Variants in COL14A1 observed in about 807,000 individuals in gnomAD.
COL14A1 encodes collagen alpha-1(XIV) chain.
A neutral mutation model predicts 230.3 loss-of-function variants in COL14A1; 136 were observed. That is an observed-to-expected ratio of 0.59 (90% CI 0.51 to 0.68). The LOEUF is 0.68. Ranked by LOEUF, COL14A1 falls within the 30% of genes least tolerant of loss-of-function variation. The pLI is 0.00. For synonymous variants in COL14A1, 792 were observed against 784.1 expected (o/e 1.01, Z -0.17); for missense variants, 1,976 against 2,215.8 (o/e 0.89, Z 2.17).
rs1812147442 is a variant in COL14A1 at position 120,371,312 on chromosome 8, A to G, written c.*81A>G. On this transcript the variant is annotated 3_prime_UTR_variant, in exon 48 of 48. Transcript: ENST00000297848. Reference sequence around the variant, plus strand: ...GAGAAAATGTTGTTATGTGGTTTGTATGCTACTTTTGGGGGGCAGGGCTCA... The same window carrying G: ...GAGAAAATGTTGTTATGTGGTTTGTGTGCTACTTTTGGGGGGCAGGGCTCA... The G allele has an allele frequency of 8.8e-7, 1 of 1,138,698 alleles. No individual in the cohort carries two copies. The highest frequency in any genetic ancestry group is 1.6e-5 in the South Asian group (1 of 64,480). 70.5% of individuals were successfully genotyped at this position (1,138,698 alleles called of 1,614,324 possible).
At position 120,196,886 on chromosome 8, in the gene COL14A1, C is replaced by T. The variant is rs1325216432; in HGVS notation, c.532C>T (p.Arg178Trp). 4 of 1,613,968 alleles carry T rather than the reference C, an allele frequency of 2.5e-6. No individual in the cohort carries two copies. The highest frequency in any genetic ancestry group is 1.7e-6 in the Non-Finnish European group (2 of 1,179,944). The change falls in exon 6 of 48, where the codon CGG (arginine) becomes TGG (tryptophan). Residue 178 changes from arginine (R) to tryptophan (W), a missense_variant. Coordinates refer to ENST00000297848, the MANE Select transcript of COL14A1 (RefSeq NM_021110.4). ...SIGRFNFRLV[R>W]HFLENLVTAF... The stretch of plus-strand genomic sequence containing the variant: ...TGGAAGATTCAACTTCAGACTGGTT[C>T]GGCATTTCTTGGAAAACCTGGTTAC...
At chr8:120,252,809 T>G (rs764998129) in intron 22 of COL14A1, among the ~76,000 whole-genome samples, 2 of 152,194 alleles carry the variant, frequency 1.3e-5, no homozygotes, top group Non-Finnish European at 2.9e-5. Context: ...TAATCAATAC[T>G]GTCAAGCAAG....
At chr8:120,300,886 A>G in intron 36 of COL14A1, 68 bp downstream of exon 36, 1 of 1,248,550 alleles carries the variant, frequency 8.0e-7, no homozygotes, top group Non-Finnish European at 1.2e-6. Context: ...TGTGTGTCTA[A>G]TATGTGTTGT....
intron 44 of COL14A1, 146 bp from the exon 45 acceptor site, chr8:120,345,229 G>C (rs187817342): frequency 6.0e-5 from 40 of 665,990 alleles, no homozygotes; most frequent in Non-Finnish European, 8.2e-5. Flanking sequence ...TGTTAAGCTG[G>C]AAATCAACAT....
At chr8:120,331,985 A>G (rs1053707028) in intron 40 of COL14A1, among the ~76,000 whole-genome samples, 156 bp from the exon 41 acceptor site, 8 of 152,222 alleles carry the variant, frequency 5.3e-5, no homozygotes, top group Non-Finnish European at 4.4e-5. Context: ...CCTTGCCAAA[A>G]ACAATTTCCA....
chr8:120,212,667 A>G, intron 13 of COL14A1, 90 bp downstream of exon 13: 1 of 1,416,198 alleles, frequency 7.1e-7, no homozygotes, highest in Non-Finnish European at 9.8e-7. Flanking sequence ...TTTTGTTGAA[A>G]CCTCTTAAAA....
intron 22 of COL14A1, among the ~76,000 whole-genome samples, chr8:120,252,464 C>CT (rs1339759510): frequency 6.6e-6 from 1 of 152,136 alleles, no homozygotes; most frequent in Non-Finnish European, 1.5e-5. Flanking sequence ...TGGCTGTATG[C>CT]TAGTCTAGAT....
At chr8:120,367,051 C>T (rs1035057607) in intron 45 of COL14A1, 120 bp from the exon 46 acceptor site, 2 of 689,048 alleles carry the variant, frequency 2.9e-6, no homozygotes, top group African/African-American at 3.6e-5. Context: ...ACTCATAACC[C>T]CAAACGAACC....
intron 2 of COL14A1, among the ~76,000 whole-genome samples, chr8:120,155,612 T>A (rs902744674): frequency 7.9e-5 from 12 of 152,202 alleles, no homozygotes; most frequent in African/African-American, 1.2e-4. Flanking sequence ...CTCCATCCTA[T>A]TTGTACTTTT....
intron 32 of COL14A1, among the ~76,000 whole-genome samples, chr8:120,284,293 G>C (rs1001850127): frequency 6.6e-6 from 1 of 152,192 alleles, no homozygotes; most frequent in African/African-American, 2.4e-5. Flanking sequence ...AGTCTAGAAA[G>C]AGCAGAGAAT....
At chr8:120,337,633 G>A (rs144286783) in intron 42 of COL14A1, among the ~76,000 whole-genome samples, 83 of 152,024 alleles carry the variant, frequency 5.5e-4, no homozygotes, top group African/African-American at 1.7e-3. Context: ...GCTAAAATTC[G>A]GTGAATCTAT....
intron 1 of COL14A1, among the ~76,000 whole-genome samples, chr8:120,132,411 T>G (rs1234260051): frequency 6.6e-6 from 1 of 152,194 alleles, no homozygotes; most frequent in Non-Finnish European, 1.5e-5. Flanking sequence ...TGTTCCGTTT[T>G]CTGTGTGTTT....
intron 33 of COL14A1, 49 bp from the exon 34 acceptor site, chr8:120,289,559 G>T (rs1433810739): frequency 3.9e-6 from 6 of 1,527,954 alleles, no homozygotes; most frequent in South Asian, 1.2e-5. Context: ...AAATTTGGTT[G>T]ATATTTCCTT....
intron 20 of COL14A1, among the ~76,000 whole-genome samples, chr8:120,244,643 T>G (rs1023213206): frequency 1.3e-5 from 2 of 152,182 alleles, no homozygotes; most frequent in African/African-American, 4.8e-5. Flanking sequence ...GATGTTTGGT[T>G]TTCCATTTCT....
At chr8:120,220,277 A>ATT (rs34611162) in intron 14 of COL14A1, among the ~76,000 whole-genome samples, 10,191 of 141,896 alleles carry the variant, frequency 0.072, 501 homozygotes, top group East Asian at 0.14. Flanking sequence ...CATGCAATTG[A>ATT]TTTTTTTTTT....
intron 20 of COL14A1, among the ~76,000 whole-genome samples, chr8:120,245,210 TG>T (rs1321920545): frequency 6.6e-6 from 1 of 152,188 alleles, no homozygotes; most frequent in East Asian, 1.9e-4. Context: ...TATCCTTTTT[TG>T]TTTGTTGTTT....
intron 35 of COL14A1, among the ~76,000 whole-genome samples, chr8:120,298,076 T>C (rs550838176): frequency 1.6e-3 from 236 of 152,210 alleles, no homozygotes; most frequent in Non-Finnish European, 2.3e-3. Flanking sequence ...ACCTGAGCCC[T>C]GCAGCATTTC....
At chr8:120,349,441 C>A (rs1216311783) in intron 45 of COL14A1, among the ~76,000 whole-genome samples, 1 of 145,018 alleles carries the variant, frequency 6.9e-6, no homozygotes. Context: ...TTACTCTGAG[C>A]TACGGGAGGA....
chr8:120,259,065 T>A (rs937819640), intron 23 of COL14A1, among the ~76,000 whole-genome samples: 1 of 152,176 alleles, frequency 6.6e-6, no homozygotes, highest in African/African-American at 2.4e-5. Flanking sequence ...TATTATTTAT[T>A]GACAAGGATA....
Sources: allele counts gnomAD v4.1 joint callset (sites outside exome capture counted in the v4.1 genomes callset), GRCh38; gene constraint gnomAD v4.1.1; transcripts MANE v1.5; gene names NCBI Gene and HGNC (gene_info 2026-07-23, HGNC 2026-07-21).